GLO1: variants seen among roughly 807,000 people sequenced by gnomAD.
The protein encoded by GLO1 is glyoxalase I.
GLO1 carries 28 observed loss-of-function variants against 26.0 expected under a neutral mutation model. The ratio of observed to expected loss-of-function variants is 1.08; its 90% CI spans 0.80 to 1.48. The LOEUF (loss-of-function observed/expected upper bound fraction) is 1.48. GLO1 is among the 40% of genes most tolerant of loss of function. The pLI, the probability that GLO1 is intolerant of heterozygous loss-of-function variation, is 0.00. For missense variants in GLO1, 225 were observed against 224.8 expected, an observed-to-expected ratio of 1.00 and a Z score of -0.01; for synonymous variants, 78 against 77.6, an observed-to-expected ratio of 1.00 and a Z score of -0.03.
chr6:38,679,703 A>C (rs753840116), intron 5 of GLO1, among the ~76,000 whole-genome samples: 6 of 151,752 alleles, frequency 4.0e-5, no homozygotes, highest in Non-Finnish European at 7.4e-5. Flanking sequence ...GCTGAGGTGG[A>C]TTATTGTTTG....
intron 5 of GLO1, among the ~76,000 whole-genome samples, chr6:38,678,551 G>A (rs1285197582): frequency 2.0e-5 from 3 of 152,226 alleles, no homozygotes; most frequent in African/African-American, 7.2e-5. Flanking sequence ...TGGACCAGAA[G>A]GCAGTGCATA....
At chr6:38,701,078 C>G (rs13200763) in intron 1 of GLO1, among the ~76,000 whole-genome samples, 42,415 of 151,800 alleles carry the variant, frequency 0.28, 6,936 homozygotes, top group Non-Finnish European at 0.38. Context: ...TGCACCCAGC[C>G]TTCATTGAGG....
chr6:38,690,026 T>C (rs1761509497), intron 1 of GLO1, among the ~76,000 whole-genome samples: 1 of 152,072 alleles, frequency 6.6e-6, no homozygotes, highest in African/African-American at 2.4e-5. Context: ...AGTTTCACCA[T>C]GTTGGCCAGG....
chr6:38,682,304 C>T (rs1302181541), intron 4 of GLO1, among the ~76,000 whole-genome samples: 1 of 152,042 alleles, frequency 6.6e-6, no homozygotes, highest in African/African-American at 2.4e-5. Flanking sequence ...TAATTAGTTG[C>T]CTTGAATTAT....
At chr6:38,701,340 CTATTATTATG>C (rs1457043721) in intron 1 of GLO1, among the ~76,000 whole-genome samples, 1 of 151,578 alleles carries the variant, frequency 6.6e-6, no homozygotes, top group African/African-American at 2.4e-5. Flanking sequence ...TATATACCAG[CTATTATTATG>C]TATTCCATTT....
intron 1 of GLO1, among the ~76,000 whole-genome samples, chr6:38,690,543 A>T (rs577473128): frequency 7.0e-6 from 1 of 143,234 alleles, no homozygotes. Context: ...TAAAAACATT[A>T]TATATATATA....
At chr6:38,693,685 C>CTCTCTATATATA (rs869232489) in intron 1 of GLO1, among the ~76,000 whole-genome samples, 65 of 86,432 alleles carry the variant, frequency 7.5e-4, no homozygotes, top group African/African-American at 1.7e-3. Flanking sequence ...CTCTCTCTCT[C>CTCTCTATATATA]TATATATATA....
chr6:38,677,352 A>G lies in GLO1; in HGVS notation c.498T>C (p.Asp166=), dbSNP rs1436501280. ...GKMKGLAFIQ[D]PDGYWIEILN... ...AAATTTCAATCCAGTAGCCATCAGG[A>G]TCTTGAATAAATGCCAGGCCTTTCA... Residue 166 remains aspartate, a synonymous_variant, in exon 6 of 6, where the codon GAT becomes GAC. Coordinates refer to ENST00000373365, the MANE Select transcript of GLO1 (RefSeq NM_006708.3). 2.6e-6 allele frequency: 4 copies of G among 1,558,136 alleles called. No individual in the cohort carries two copies. Among genetic ancestry groups the G allele is most frequent in the Non-Finnish European group, 3.5e-6 (4 of 1,129,118 alleles).
intron 1 of GLO1, among the ~76,000 whole-genome samples, chr6:38,690,235 T>C (rs1045910626): frequency 6.6e-6 from 1 of 152,202 alleles, no homozygotes; most frequent in Non-Finnish European, 1.5e-5. Context: ...AACTAATACA[T>C]GTAATCTTCA....
intron 1 of GLO1, among the ~76,000 whole-genome samples, chr6:38,693,392 T>C (rs1176669500): frequency 6.6e-6 from 1 of 152,198 alleles, no homozygotes; most frequent in East Asian, 1.9e-4. Context: ...TTGTCAGTCT[T>C]GCTACAGGTT....
intron 5 of GLO1, among the ~76,000 whole-genome samples, chr6:38,679,731 T>C (rs1278444299): frequency 1.3e-5 from 2 of 151,514 alleles, no homozygotes; most frequent in Non-Finnish European, 2.9e-5. Context: ...GAGTTTGAGG[T>C]TGCAGTGAGC....
chr6:38,682,868 C>G lies in GLO1; in HGVS notation c.316G>C (p.Gly106Arg). Residue 106 changes from glycine (G) to arginine (R), a missense_variant, in exon 4 of 6, where the codon GGC (glycine) becomes CGC (arginine). Transcript: ENST00000373365. ...KATLELTHNW[G>R]TEDDETQSYH... ...CTCTGGGTCTCATCATCTTCAGTGC[C>G]CCAATTGCTACAAAAGGAAGGAAAA... is the stretch of plus-strand genomic sequence containing the variant. 6.3e-7 allele frequency: 1 copy of G among 1,578,818 alleles called. No homozygotes were observed. Among genetic ancestry groups the G allele is most frequent in the Middle Eastern group, 1.7e-4 (1 of 6,018 alleles).
At chr6:38,680,211 A>G (rs1761350389) in intron 5 of GLO1, among the ~76,000 whole-genome samples, 1 of 152,106 alleles carries the variant, frequency 6.6e-6, no homozygotes, top group African/African-American at 2.4e-5. Context: ...ACAGAATCTC[A>G]AAAGTTTTGC....
At chr6:38,688,474 G>A (rs1024091565) in intron 1 of GLO1, among the ~76,000 whole-genome samples, 7 of 152,234 alleles carry the variant, frequency 4.6e-5, no homozygotes, top group African/African-American at 1.4e-4. Context: ...TCCGGTCTAA[G>A]TATACATTAA....
chr6:38,696,628 C>A (rs1416031771), intron 1 of GLO1, among the ~76,000 whole-genome samples: 1 of 152,162 alleles, frequency 6.6e-6, no homozygotes, highest in Non-Finnish European at 1.5e-5. Context: ...TAATCACTTT[C>A]TGAAAGGCCC....
chr6:38,686,620 A>C (rs1450544580), intron 2 of GLO1, among the ~76,000 whole-genome samples: 1 of 152,216 alleles, frequency 6.6e-6, no homozygotes, highest in Non-Finnish European at 1.5e-5. Context: ...AGGGGTCTGA[A>C]CACATTAAGG....
chr6:38,694,998 A>G, intron 1 of GLO1, among the ~76,000 whole-genome samples: 1 of 152,160 alleles, frequency 6.6e-6, no homozygotes, highest in South Asian at 2.1e-4. Context: ...TCATATTGGA[A>G]GTGAGTTTCA....
intron 1 of GLO1, among the ~76,000 whole-genome samples, chr6:38,687,823 T>C (rs1211460505): frequency 6.6e-6 from 1 of 152,186 alleles, no homozygotes; most frequent in African/African-American, 2.4e-5. Flanking sequence ...CTCTAAGTTT[T>C]GGTCTCCCTT....
chr6:38,687,874 C>T (rs1761478442), intron 1 of GLO1, among the ~76,000 whole-genome samples: 1 of 151,958 alleles, frequency 6.6e-6, no homozygotes, highest in South Asian at 2.1e-4. Flanking sequence ...GTCTGTGAAC[C>T]TCACTGGTGC....
Sources: allele counts gnomAD v4.1 joint callset (sites outside exome capture counted in the v4.1 genomes callset), GRCh38; gene constraint gnomAD v4.1.1; transcripts MANE v1.5; gene names NCBI Gene and HGNC (gene_info 2026-07-23, HGNC 2026-07-21).